CWF19L2: variants seen among roughly 807,000 people sequenced by gnomAD.
CWF19L2 encodes CWF19 like cell cycle control factor 2.
CWF19L2 carries 98 observed loss-of-function variants against 111.7 expected under a neutral mutation model. That is an observed-to-expected ratio of 0.88 (90% confidence interval 0.75 to 1.04). CWF19L2 has a LOEUF of 1.04. Among genes scored for constraint, CWF19L2 ranks in the 50% least tolerant of loss-of-function variants. The pLI, the probability that CWF19L2 is intolerant of heterozygous loss-of-function variation, is 0.00. For synonymous variants in CWF19L2, 351 were observed against 342.9 expected (o/e 1.02, Z -0.26); for missense variants, 1,101 against 1,051.4 (o/e 1.05, Z -0.65).
At chr11:107,455,206 A>G (rs1861836223) in intron 2 of CWF19L2, among the ~76,000 whole-genome samples, 1 of 152,128 alleles carries the variant, frequency 6.6e-6, no homozygotes, top group East Asian at 1.9e-4. Context: ...GAGGTGATGG[A>G]TATGTTCATT....
chr11:107,442,224 A>C (rs7924335), intron 4 of CWF19L2, among the ~76,000 whole-genome samples: 23,850 of 152,218 alleles, frequency 0.16, 2,144 homozygotes, highest in Middle Eastern at 0.26. Context: ...ACTTTCTCAC[A>C]GTAGAAGGGG....
At chr11:107,336,472 A>G in intron 15 of CWF19L2, 86 bp downstream of exon 15, 1 of 1,126,950 alleles carries the variant, frequency 8.9e-7, no homozygotes, top group Non-Finnish European at 1.3e-6. Context: ...TATATAGGAG[A>G]AAAATATGTT....
chr11:107,456,661 C>G (rs928684834), intron 1 of CWF19L2, among the ~76,000 whole-genome samples: 2 of 151,572 alleles, frequency 1.3e-5, no homozygotes, highest in Non-Finnish European at 2.9e-5. Context: ...GTTAATATTC[C>G]AGAAAAGGGA....
intron 14 of CWF19L2, among the ~76,000 whole-genome samples, chr11:107,340,640 G>A (rs1251494548): frequency 6.6e-6 from 1 of 151,972 alleles, no homozygotes; most frequent in African/African-American, 2.4e-5. Flanking sequence ...TATTCTTCTT[G>A]TTCAAAATTA....
chr11:107,328,564 C>T (rs918321908), intron 17 of CWF19L2, among the ~76,000 whole-genome samples: 5 of 152,082 alleles, frequency 3.3e-5, no homozygotes, highest in Admixed American at 6.6e-5. Context: ...GGCTCAGTGA[C>T]GCAATGCTGA....
intron 8 of CWF19L2, among the ~76,000 whole-genome samples, chr11:107,427,601 A>T (rs1184533249): frequency 6.6e-6 from 1 of 152,124 alleles, no homozygotes; most frequent in Non-Finnish European, 1.5e-5. Flanking sequence ...AGGCCTACAG[A>T]TCATCCAAAT....
intron 17 of CWF19L2, among the ~76,000 whole-genome samples, chr11:107,328,374 C>A (rs1859794234): frequency 6.6e-6 from 1 of 152,008 alleles, no homozygotes; most frequent in Admixed American, 6.6e-5. Flanking sequence ...TATAAAATAC[C>A]AAGTTTTGTC....
chr11:107,413,556 T>C (rs1031346855), intron 10 of CWF19L2, among the ~76,000 whole-genome samples: 1 of 152,028 alleles, frequency 6.6e-6, no homozygotes, highest in Admixed American at 6.6e-5. Context: ...AGTTTCAGAG[T>C]ACAAAATCAG....
chr11:107,347,737 A>T (rs1336692710), intron 14 of CWF19L2, among the ~76,000 whole-genome samples: 2 of 152,200 alleles, frequency 1.3e-5, no homozygotes, highest in East Asian at 3.8e-4. Flanking sequence ...CTAAAATATT[A>T]TATTTGTGTA....
intron 5 of CWF19L2, 42 bp downstream of exon 5, chr11:107,441,461 A>C: frequency 6.9e-7 from 1 of 1,450,894 alleles, no homozygotes; most frequent in Non-Finnish European, 9.1e-7. Flanking sequence ...AAGTTTATTA[A>C]AGGTAAATTA....
intron 12 of CWF19L2, among the ~76,000 whole-genome samples, chr11:107,373,922 T>A (rs1860555054): frequency 7.4e-6 from 1 of 134,684 alleles, no homozygotes; most frequent in Non-Finnish European, 1.6e-5. Flanking sequence ...GAGAAGTGCT[T>A]AAAGGAGCTG....
intron 10 of CWF19L2, among the ~76,000 whole-genome samples, chr11:107,414,556 C>T (rs192628313): frequency 6.6e-6 from 1 of 152,218 alleles, no homozygotes; most frequent in African/African-American, 2.4e-5. Flanking sequence ...TCCCTACTCC[C>T]AACCATCCAA....
At chr11:107,333,929 C>T (rs1181550573) in intron 16 of CWF19L2, among the ~76,000 whole-genome samples, 1 of 152,192 alleles carries the variant, frequency 6.6e-6, no homozygotes, top group Non-Finnish European at 1.5e-5. Context: ...GTCATACGTT[C>T]TCTGTAGGGA....
At chr11:107,373,358 C>A (rs529617545) in intron 12 of CWF19L2, among the ~76,000 whole-genome samples, 1 of 133,818 alleles carries the variant, frequency 7.5e-6, no homozygotes, top group Admixed American at 7.3e-5. Flanking sequence ...CCTTCGCAGA[C>A]TTAAATGCCC....
chr11:107,430,885 AAAGG>A (rs1861456948), intron 7 of CWF19L2, among the ~76,000 whole-genome samples: 1 of 149,746 alleles, frequency 6.7e-6, no homozygotes, highest in East Asian at 1.9e-4. Context: ...CACAAAAAAA[AAAGG>A]AGAATAACTA....
At chr11:107,342,463 T>G (rs560366607) in intron 14 of CWF19L2, among the ~76,000 whole-genome samples, 2 of 152,242 alleles carry the variant, frequency 1.3e-5, no homozygotes, top group Non-Finnish European at 2.9e-5. Context: ...ATTTGGGAAT[T>G]TTTTGATTAT....
chr11:107,333,007 A>G (rs1859871980), intron 16 of CWF19L2, among the ~76,000 whole-genome samples: 1 of 151,552 alleles, frequency 6.6e-6, no homozygotes, highest in South Asian at 2.1e-4. Context: ...ATTCCCAGCT[A>G]CTCAAGAGGC....
intron 8 of CWF19L2, among the ~76,000 whole-genome samples, chr11:107,419,877 T>A (rs532044385): frequency 6.6e-6 from 1 of 152,094 alleles, no homozygotes; most frequent in South Asian, 2.1e-4. Context: ...CAAGTATAAG[T>A]AAAATGTATG....
intron 10 of CWF19L2, among the ~76,000 whole-genome samples, chr11:107,397,661 A>G (rs1013534269): frequency 1.3e-5 from 2 of 151,972 alleles, no homozygotes; most frequent in African/African-American, 4.8e-5. Context: ...TCTCCACCCT[A>G]CTACAGCTGA....
Sources: allele counts gnomAD v4.1 joint callset (sites outside exome capture counted in the v4.1 genomes callset), GRCh38; gene constraint gnomAD v4.1.1; transcripts MANE v1.5; gene names NCBI Gene and HGNC (gene_info 2026-07-23, HGNC 2026-07-21).